The following WDR62 variants were observed in gnomAD, a reference collection of about 807,000 sequenced individuals.
WDR62 encodes the protein WD repeat domain 62, also known as WD repeat-containing protein 62.
WDR62 carries 112 observed loss-of-function variants against 160.6 expected under a neutral mutation model. The observed-to-expected ratio is 0.70, with a 90% CI of 0.60 to 0.82. The LOEUF (loss-of-function observed/expected upper bound fraction) is 0.82, where lower values mean the gene tolerates loss of function less well. Among genes scored for constraint, WDR62 ranks in the 40% least tolerant of loss-of-function variants. The pLI is 0.00. For missense variants in WDR62, 1,819 were observed against 1,983.8 expected (o/e 0.92, Z 1.58); for synonymous variants, 792 against 815.1 (o/e 0.97, Z 0.48).
At chr19:36,085,412 AC>A (rs1050062722) in intron 12 of WDR62, among the ~76,000 whole-genome samples, 14 of 120,198 alleles carry the variant, frequency 1.2e-4, no homozygotes, top group South Asian at 3.1e-4. Flanking sequence ...ACCACACCTG[AC>A]CTTTTTTTTT....
rs1971308254 is a variant in WDR62, at chr19:36,071,706, C to T, written c.1033C>T (p.Leu345=). The part of the protein sequence containing the change: ...HYLGVDVAQG[L]EPSFLFHRKA... Reference sequence around the variant, plus strand: ...CCTTGGGGTAGACGTGGCACAGGGCCTGGAGCCCAGGTACTGCCCTGTGGG... The same window carrying T: ...CCTTGGGGTAGACGTGGCACAGGGCTTGGAGCCCAGGTACTGCCCTGTGGG... Residue 345 remains leucine, a synonymous_variant, in exon 8 of 32, where the codon CTG becomes TTG. Transcript: ENST00000401500. 1.2e-6 allele frequency: 2 copies of T among 1,613,642 alleles called. No homozygotes were observed. The highest frequency in any genetic ancestry group is 1.7e-6 in the Non-Finnish European group (2 of 1,179,808).
At chr19:36,080,803 T>A (rs1344401018) in intron 9 of WDR62, among the ~76,000 whole-genome samples, 1 of 152,224 alleles carries the variant, frequency 6.6e-6, no homozygotes, top group African/African-American at 2.4e-5. Flanking sequence ...TTTGGTCTTT[T>A]TCAGCCCTGC....
intron 21 of WDR62, among the ~76,000 whole-genome samples, chr19:36,098,871 A>C (rs1174622456): frequency 6.6e-6 from 1 of 152,190 alleles, no homozygotes; most frequent in Non-Finnish European, 1.5e-5. Context: ...GGATTCCTTG[A>C]GCCCAAGGGT....
Position 36,073,513 on chromosome 19 carries a change from C to T in WDR62, c.1215C>T (p.Ser405=), listed in dbSNP as rs1324066093. 6 of 1,613,764 alleles carry T rather than the reference C, an allele frequency of 3.7e-6. No homozygotes were observed. Among genetic ancestry groups the T allele is most frequent in the Non-Finnish European group, 5.1e-6 (6 of 1,179,964 alleles). ...GKVWSELFHS[S]YVWNVEVYPE... ...TGTGGTCAGAGCTCTTCCACAGCTC[C>T]TACGTTTGGAACGTGGAGGTGAGCC... The change falls in exon 9 of 32, where the codon TCC becomes TCT. Residue 405 remains serine, a synonymous_variant. Coordinates refer to ENST00000401500, the MANE Select transcript of WDR62 (RefSeq NM_001083961.2).
chr19:36,095,823 T>G (rs755575445), intron 20 of WDR62, among the ~76,000 whole-genome samples: 2 of 152,180 alleles, frequency 1.3e-5, no homozygotes, highest in African/African-American at 2.4e-5. Context: ...AAAAATAAAT[T>G]GAATTATGTT....
At chr19:36,076,675 C>T (rs1325821273) in intron 9 of WDR62, among the ~76,000 whole-genome samples, 1 of 147,980 alleles carries the variant, frequency 6.8e-6, no homozygotes, top group Non-Finnish European at 1.5e-5. Context: ...GGTCGTTCTT[C>T]CAGAAGCCTA....
In WDR62 at chr19:36,083,228, A is replaced by G; in HGVS notation, c.1537A>G (p.Ser513Gly). ...DGQHLASGDR[S>G]GNLRIHELHF... ...CCAGCATTTGGCTTCAGGCGACCGA[A>G]GTGGAAATCTGAGGCAAGTGGGCCC... is the stretch of plus-strand genomic sequence containing the variant. The change falls in exon 11 of 32, where the codon AGT becomes GGT. Residue 513 changes from serine to glycine, a missense_variant. Ser to Gly is a moderately conservative substitution (Grantham distance 56). This residue lies in a region of WDR62 where 934 missense variants were observed against 1,157.2 expected (regional missense o/e 0.81). Transcript: ENST00000401500. 6.2e-7 allele frequency: 1 copy of G among 1,601,254 alleles called. No homozygotes were observed. The highest frequency in any genetic ancestry group is 2.2e-5 in the East Asian group (1 of 44,540).
chr19:36,099,099 G>C (rs1973156445), intron 21 of WDR62, among the ~76,000 whole-genome samples: 1 of 151,840 alleles, frequency 6.6e-6, no homozygotes, highest in African/African-American at 2.4e-5. Flanking sequence ...GTGGGCACCT[G>C]TAATCCCAGC....
At chr19:36,087,751 C>G (rs1424330194) in intron 13 of WDR62, among the ~76,000 whole-genome samples, 3 of 151,932 alleles carry the variant, frequency 2.0e-5, no homozygotes, top group Admixed American at 6.6e-5. Flanking sequence ...TCCAGGAGGC[C>G]AAGGTTGCAG....
intron 6 of WDR62, 46 bp downstream of exon 6, chr19:36,067,489 C>T: frequency 6.2e-7 from 1 of 1,612,886 alleles, no homozygotes; most frequent in Non-Finnish European, 8.5e-7. Context: ...GAGGGAGTCA[C>T]CATCGGTGGC....
chr19:36,097,832 TGCACTCCACA>T (rs796214720), intron 21 of WDR62, among the ~76,000 whole-genome samples: 8 of 151,516 alleles, frequency 5.3e-5, no homozygotes, highest in African/African-American at 1.9e-4. Flanking sequence ...TGCAGGGAGC[TGCACTCCACA>T]GCACTCCAGC....
rs1461374832 is a variant in WDR62 at position 36,104,779 on chromosome 19, T to C, written c.4323T>C (p.Ser1441=). 1.9e-6 allele frequency: 3 copies of C among 1,613,712 alleles called. No individual in the cohort carries two copies. Among genetic ancestry groups the C allele is most frequent in the Non-Finnish European group, 2.5e-6 (3 of 1,180,024 alleles). Reference sequence around the variant, plus strand: ...GGCATCCCTTGCAGTTGGTCTCCAGTGGCCAGGTGGACACCGGGCAGCAGC... The same window carrying C: ...GGCATCCCTTGCAGTTGGTCTCCAGCGGCCAGGTGGACACCGGGCAGCAGC... ...ALDLYRVLVS[S]GQVDTGQQQA... Residue 1441 remains serine, a synonymous_variant, in exon 32 of 32, where the codon AGT becomes AGC. Coordinates refer to ENST00000401500, the MANE Select transcript of WDR62 (RefSeq NM_001083961.2).
At position 36,102,864 on chromosome 19, in the gene WDR62, C is replaced by G; in HGVS notation, c.3335+13C>G. On this transcript the variant is annotated intron_variant, in intron 27 of 31. Coordinates refer to ENST00000401500, the MANE Select transcript of WDR62 (RefSeq NM_001083961.2). ...AGAAGGCATCCAGGTAGAAGCTGGC[C>G]AAGCACTGCCCACCCTCTGGCTCCT... 1.2e-6 allele frequency: 2 copies of G among 1,614,130 alleles called. No individual in the cohort carries two copies. The highest frequency in any genetic ancestry group is 2.2e-5 in the South Asian group (2 of 91,088).
chr19:36,062,157 G>A (rs10409802), intron 3 of WDR62: 1 of 152,102 alleles, frequency 6.6e-6, no homozygotes, highest in Non-Finnish European at 1.5e-5. Context: ...TGTTGCCCAA[G>A]GTGGTCTTGA....
Position 36,083,196 on chromosome 19 carries a change from C to T in WDR62, c.1505C>T (p.Pro502Leu). The T allele has an allele frequency of 1.2e-6, 2 of 1,610,588 alleles. No individual in the cohort carries two copies. The highest frequency in any genetic ancestry group is 1.7e-6 in the Non-Finnish European group (2 of 1,178,212). The part of the protein sequence containing the change: ...KAGVRVMQVS[P>L]DGQHLASGDR... ...GGGGTGCGGGTCATGCAGGTCAGTCCTGACGGCCAGCATTTGGCTTCAGGC... is the reference window on the plus strand; with the variant it reads ...GGGGTGCGGGTCATGCAGGTCAGTCTTGACGGCCAGCATTTGGCTTCAGGC... The change falls in exon 11 of 32, where the codon CCT becomes CTT. Residue 502 changes from proline (P) to leucine (L), a missense_variant. Pro to Leu is a moderately conservative substitution (Grantham distance 98). Coordinates refer to ENST00000401500, the MANE Select transcript of WDR62 (RefSeq NM_001083961.2).
At chr19:36,093,898 G>A in intron 19 of WDR62, 133 bp from the exon 20 acceptor site, 1 of 1,096,844 alleles carries the variant, frequency 9.1e-7, no homozygotes, top group South Asian at 1.2e-5. Context: ...TGAGAGACTT[G>A]CCAGCACCAT....
Position 36,075,594 on chromosome 19 carries a change from C to T in WDR62, c.1233+2063C>T, listed in dbSNP as rs1019176667. ...CCGAGTAGCTGGGATTACAGGCAGC[C>T]GCCACCACGCCTGGCTAATTTTTGT... On this transcript the variant is annotated intron_variant, in intron 9 of 31. Coordinates refer to ENST00000401500, the MANE Select transcript of WDR62 (RefSeq NM_001083961.2). 2.0e-5 allele frequency among the ~76,000 whole-genome samples: 3 copies of T among 151,998 alleles called. No homozygotes were observed. In the East Asian group the frequency reaches 5.8e-4, roughly 29 times the overall value.
chr19:36,059,890 C>T, intron 2 of WDR62, 78 bp from the exon 3 acceptor site: 2 of 1,504,058 alleles, frequency 1.3e-6, no homozygotes, highest in Non-Finnish European at 1.9e-6. Flanking sequence ...TATTTGTGGG[C>T]TTTTCTGGTG....
chr19:36,071,529 C>A, intron 7 of WDR62, 27 bp from the exon 8 acceptor site: 1 of 1,614,212 alleles, frequency 6.2e-7, no homozygotes, highest in Non-Finnish European at 8.5e-7. Flanking sequence ...AGCACCAAAT[C>A]CACTGGGGTC....
Sources: allele counts gnomAD v4.1 joint callset (sites outside exome capture counted in the v4.1 genomes callset), GRCh38; gene constraint gnomAD v4.1.1; regional missense constraint gnomAD v4.1.1; transcripts MANE v1.5; gene names NCBI Gene and HGNC (gene_info 2026-07-23, HGNC 2026-07-21).